MBNL2: variants seen among roughly 807,000 people sequenced by gnomAD.
MBNL2 encodes the protein muscleblind like splicing regulator 2.
A neutral mutation model predicts 41.9 loss-of-function variants in MBNL2; 17 were observed. The ratio of observed to expected loss-of-function variants is 0.41; its 90% CI spans 0.28 to 0.61. MBNL2 has a LOEUF of 0.61. Among genes scored for constraint, MBNL2 ranks in the 20% least tolerant of loss-of-function variants. MBNL2 has a pLI of 0.35. For missense variants in MBNL2, 336 were observed against 505.6 expected, an observed-to-expected ratio of 0.66 and a Z score of 3.22; for synonymous variants, 195 against 182.9, an observed-to-expected ratio of 1.07 and a Z score of -0.53.
the MBNL2 span, among the ~76,000 whole-genome samples, chr13:97,158,186 G>C: frequency 4.7e-3 from 709 of 151,898 alleles, 2 homozygotes; most frequent in Non-Finnish European, 6.6e-3. Context: ...TTTGCGTAGA[G>C]GTGTTTGTAG....
chr13:97,234,709 C>A (rs188828395), intron 1 of MBNL2, among the ~76,000 whole-genome samples: 47 of 152,284 alleles, frequency 3.1e-4, no homozygotes, highest in African/African-American at 1.1e-3. Context: ...AACATACATG[C>A]AGAGATAGAT....
chr13:97,155,900 G>A, the MBNL2 span, among the ~76,000 whole-genome samples: 2 of 136,400 alleles, frequency 1.5e-5, no homozygotes, highest in African/African-American at 5.6e-5. Flanking sequence ...ATAATCCTTT[G>A]GGTATATACC....
the MBNL2 span, among the ~76,000 whole-genome samples, chr13:97,205,945 T>C: frequency 6.6e-6 from 1 of 152,248 alleles, no homozygotes; most frequent in African/African-American, 2.4e-5. Context: ...TATTTTTCTT[T>C]GTTTTGTAAC....
chr13:97,218,440 C>A (rs9516875), upstream of MBNL2, among the ~76,000 whole-genome samples: 3,937 of 115,848 alleles, frequency 0.034, 114 homozygotes, highest in African/African-American at 0.07. Context: ...CAAAACAAAA[C>A]AAAAAAAAAA....
At chr13:97,206,406 G>T in the MBNL2 span, among the ~76,000 whole-genome samples, 1 of 152,022 alleles carries the variant, frequency 6.6e-6, no homozygotes, top group Non-Finnish European at 1.5e-5. Context: ...AAGGGAGGGG[G>T]ATTATATTTT....
At chr13:97,338,948 G>C (rs1465544456) in intron 3 of MBNL2, among the ~76,000 whole-genome samples, 5 of 152,132 alleles carry the variant, frequency 3.3e-5, no homozygotes, top group African/African-American at 1.2e-4. Flanking sequence ...CATTACCCTT[G>C]GCTAAGCCCC....
intron 2 of MBNL2, among the ~76,000 whole-genome samples, chr13:97,297,718 G>A (rs17268887): frequency 0.022 from 3,349 of 152,296 alleles, 53 homozygotes; most frequent in Middle Eastern, 0.044. Context: ...CTTGCTGCAT[G>A]TTGAGGAAGA....
intron 2 of MBNL2, among the ~76,000 whole-genome samples, chr13:97,321,481 T>C (rs2059499356): frequency 6.6e-6 from 1 of 152,186 alleles, no homozygotes; most frequent in Non-Finnish European, 1.5e-5. Flanking sequence ...ACTCATTCTG[T>C]TTTAAACAAA....
chr13:97,339,366 G>T lies in MBNL2; in HGVS notation c.340-3650G>T, dbSNP rs139104147. 1.7e-3 allele frequency among the ~76,000 whole-genome samples: 263 copies of T among 152,118 alleles called. 2 individuals are homozygous for T. Among genetic ancestry groups the T allele is most frequent in the African/African-American group, 6.2e-3 (256 of 41,482 alleles). ...CATGGAAGACTGCGGAGAGGAACAC[G>T]GGAAGGTGGAGTAGAGAACAGGGGC... is the stretch of plus-strand genomic sequence containing the variant. On this transcript the variant is annotated intron_variant, in intron 3 of 8. Coordinates refer to ENST00000679496, the MANE Select transcript of MBNL2 (RefSeq NM_001382683.1).
At chr13:97,218,129 G>A (rs1009066903), upstream of MBNL2, among the ~76,000 whole-genome samples, 11 of 152,130 alleles carry the variant, frequency 7.2e-5, no homozygotes, top group African/African-American at 2.2e-4. Context: ...GAATTGGGCC[G>A]GCTGGGCACA....
At chr13:97,389,102 G>A (rs116995837) in intron 8 of MBNL2, among the ~76,000 whole-genome samples, 424 of 152,240 alleles carry the variant, frequency 2.8e-3, no homozygotes, top group Non-Finnish European at 5.0e-3. Context: ...ATAGCTCATC[G>A]GTAGACTGGG....
At chr13:97,145,655 C>T in the MBNL2 span, among the ~76,000 whole-genome samples, 3 of 152,122 alleles carry the variant, frequency 2.0e-5, no homozygotes, top group Admixed American at 1.3e-4. Flanking sequence ...ATTATTTTTC[C>T]GTTGAAAAAA....
intron 1 of MBNL2, among the ~76,000 whole-genome samples, chr13:97,227,076 A>AT (rs561161278): frequency 3.3e-5 from 5 of 150,788 alleles, no homozygotes; most frequent in Admixed American, 6.6e-5. Flanking sequence ...AAAAAAAAAA[A>AT]ATATATTTCC....
chr13:97,298,546 A>T (rs557512339), intron 2 of MBNL2, among the ~76,000 whole-genome samples: 2 of 152,346 alleles, frequency 1.3e-5, no homozygotes, highest in South Asian at 4.1e-4. Flanking sequence ...AGCTGGGAAG[A>T]TCTGGGACTG....
At chr13:97,258,509 T>A (rs904627814) in intron 1 of MBNL2, among the ~76,000 whole-genome samples, 40 of 152,210 alleles carry the variant, frequency 2.6e-4, no homozygotes, top group Non-Finnish European at 3.8e-4. Flanking sequence ...ATTACTGGGT[T>A]CTGCTTTTTC....
At chr13:97,206,736 G>T in the MBNL2 span, among the ~76,000 whole-genome samples, 1 of 151,926 alleles carries the variant, frequency 6.6e-6, no homozygotes, top group African/African-American at 2.4e-5. Context: ...TAGTAATAAT[G>T]ATAATACTAA....
chr13:97,192,669 C>T, the MBNL2 span, among the ~76,000 whole-genome samples: 2 of 152,168 alleles, frequency 1.3e-5, no homozygotes, highest in African/African-American at 4.8e-5. Context: ...CCTTTAGACA[C>T]CAAAGATTAG....
At chr13:97,223,830 C>T (rs752137684) in intron 1 of MBNL2, among the ~76,000 whole-genome samples, 11 of 152,166 alleles carry the variant, frequency 7.2e-5, no homozygotes, top group Non-Finnish European at 1.5e-4. Context: ...ACTGTTTTTA[C>T]TTTCAAGGAG....
chr13:97,235,180 G>A (rs959441203), intron 1 of MBNL2, among the ~76,000 whole-genome samples: 5 of 152,148 alleles, frequency 3.3e-5, no homozygotes, highest in Middle Eastern at 3.2e-3. Context: ...TTAACGTAGA[G>A]ATCCCCAGGC....
Sources: allele counts gnomAD v4.1 joint callset (sites outside exome capture counted in the v4.1 genomes callset), GRCh38; gene constraint gnomAD v4.1.1; transcripts MANE v1.5; gene names NCBI Gene and HGNC (gene_info 2026-07-23, HGNC 2026-07-21).